NIBAN2: variants seen among roughly 807,000 people sequenced by gnomAD.
NIBAN2 encodes the protein protein Niban 2.
NIBAN2 carries 36 observed loss-of-function variants against 81.8 expected under a neutral mutation model. That is an observed-to-expected ratio of 0.44 (90% CI 0.34 to 0.58). The LOEUF is 0.58. NIBAN2 is among the 20% of genes least tolerant of loss of function. NIBAN2 has a pLI of 0.02. For missense variants in NIBAN2, 897 were observed against 1,014.1 expected (o/e 0.88, Z 1.57); for synonymous variants, 445 against 441.6 (o/e 1.01, Z -0.10).
rs764984954 is a variant in NIBAN2 at position 127,545,095 on chromosome 9, C to T, written c.56-13317G>A. On this transcript the variant is annotated intron_variant, in intron 1 of 13. Transcript: ENST00000373312. The surrounding 1 kb of genome is among the most constrained non-coding windows in gnomAD (Gnocchi z 4.7). ...GAACCCAAGCGAACCGCAACCTCAG[C>T]CCCTCAGCTTCCTCCTCAGCGGAGG... Among the ~76,000 whole-genome samples the T allele has an allele frequency of 2.0e-5, 3 of 152,196 alleles. No individual in the cohort carries two copies. The highest frequency in any genetic ancestry group is 2.9e-5 in the Non-Finnish European group (2 of 68,032).
At chr9:127,573,400 T>TA (rs890280872), upstream of NIBAN2, among the ~76,000 whole-genome samples, 20 of 147,906 alleles carry the variant, frequency 1.4e-4, no homozygotes, top group African/African-American at 4.2e-4. Context: ...ATTATTGTAA[T>TA]AAAAAAAAGT....
rs1836580211 is a variant in NIBAN2 at position 127,505,707 on chromosome 9, G to A, written c.*1138C>T. On this transcript the variant is annotated 3_prime_UTR_variant, in exon 14 of 14. Coordinates refer to ENST00000373312, the MANE Select transcript of NIBAN2 (RefSeq NM_022833.4). ...TCCTGGGGTGGGGGATCCCAGGCCT[G>A]GGCCCATCCTGGCTTGACCCTTGTC... The A allele has an allele frequency of 6.6e-6, 1 of 152,438 alleles. No homozygotes were observed. The highest frequency in any genetic ancestry group is 2.4e-5 in the African/African-American group (1 of 41,464). The allele number at this position is 152,438 out of a possible 1,614,324, so 9.4% of individuals were successfully genotyped here. A position where few individuals can be genotyped will look rare whatever the true frequency, so the allele number is the denominator to read the frequency against.
Position 127,568,948 on chromosome 9 carries a change from G to A in NIBAN2, c.-74C>T. The A allele has an allele frequency of 8.5e-7, 1 of 1,181,550 alleles. No individual in the cohort carries two copies. Among genetic ancestry groups the A allele is most frequent in the Non-Finnish European group, 1.0e-6 (1 of 957,128 alleles). 73.2% of individuals were successfully genotyped at this position (1,181,550 alleles called of 1,614,324 possible). On this transcript the variant is annotated 5_prime_UTR_variant, in exon 1 of 14. Transcript: ENST00000373312. ...CGCGCTGCTCAGGCGGACGCCGCTG[G>A]CGCCATGGAGCCCGGCCCGCCCTGC...
intron 1 of NIBAN2, among the ~76,000 whole-genome samples, chr9:127,540,070 C>G (rs1165647431): frequency 6.6e-6 from 1 of 152,244 alleles, no homozygotes; most frequent in African/African-American, 2.4e-5. Context: ...CAAGGTTCCT[C>G]TAACCCACAG....
intron 5 of NIBAN2, among the ~76,000 whole-genome samples, chr9:127,522,095 G>A (rs1329335651): frequency 2.0e-5 from 3 of 152,230 alleles, no homozygotes; most frequent in Non-Finnish European, 2.9e-5. Flanking sequence ...GAGGGCCCTG[G>A]GCCAGGCAGC....
chr9:127,510,468 G>A (rs1034515944), intron 8 of NIBAN2, 135 bp from the exon 9 acceptor site: 5 of 533,660 alleles, frequency 9.4e-6, no homozygotes, highest in South Asian at 5.8e-5. Context: ...ACGGAGTCTC[G>A]CTCTGTCGCC....
In NIBAN2 at chr9:127,517,767, T is replaced by C; in HGVS notation, c.705+59A>G. On this transcript the variant is annotated intron_variant, in intron 6 of 13. Transcript: ENST00000373312. The surrounding 1 kb of genome is among the most constrained non-coding windows in gnomAD (Gnocchi z 4.0). ...CATCTCTGTACCCCACCCCCTGCCC[T>C]CCCCTGCTGGGTCCTTGGGTGACTT... The C allele has an allele frequency of 9.6e-7, 1 of 1,038,492 alleles. No homozygotes were observed. Among genetic ancestry groups the C allele is most frequent in the Non-Finnish European group, 1.4e-6 (1 of 693,598 alleles). 64.3% of individuals were successfully genotyped at this position (1,038,492 alleles called of 1,614,324 possible).
At position 127,544,909 on chromosome 9, in the gene NIBAN2, G is replaced by C. The variant is rs185204771; in HGVS notation, c.56-13131C>G. ...CTAAGAGGCCACTGGACCTGGGAAG[G>C]GACCTCCAAGATCAAGTCCAAACTA... On this transcript the variant is annotated intron_variant, in intron 1 of 13. Transcript: ENST00000373312. 9.5e-3 allele frequency among the ~76,000 whole-genome samples: 1,454 copies of C among 152,304 alleles called. 17 individuals carry two copies. Among genetic ancestry groups the C allele is most frequent in the Non-Finnish European group, 0.012 (850 of 68,020 alleles).
chr9:127,531,948 C>G (rs1025117025), intron 1 of NIBAN2, among the ~76,000 whole-genome samples, 170 bp from the exon 2 acceptor site: 8 of 152,270 alleles, frequency 5.3e-5, no homozygotes, highest in Non-Finnish European at 1.0e-4. Context: ...CCCCGCGTTT[C>G]CTGTGAAAAC....
At chr9:127,550,909 C>T (rs1023027346) in intron 1 of NIBAN2, among the ~76,000 whole-genome samples, 1 of 152,202 alleles carries the variant, frequency 6.6e-6, no homozygotes, top group Non-Finnish European at 1.5e-5. Context: ...CTGCAAAGAG[C>T]CGGGAAACCA....
chr9:127,546,632 C>T (rs1837476377), intron 1 of NIBAN2, among the ~76,000 whole-genome samples: 1 of 152,180 alleles, frequency 6.6e-6, no homozygotes, highest in African/African-American at 2.4e-5. Context: ...AGCCCAGATC[C>T]CATGTCCTCC....
rs1054963926 is a variant in NIBAN2 at position 127,507,119 on chromosome 9, A to T, written c.1967T>A (p.Leu656Gln). 1.9e-6 allele frequency: 3 copies of T among 1,591,550 alleles called. No individual in the cohort carries two copies. Among genetic ancestry groups the T allele is most frequent in the African/African-American group, 2.7e-5 (2 of 74,686 alleles). Reference protein sequence around the residue: ...SPDGVTEIRGLLAQGLRPESP... With the variant: ...SPDGVTEIRGQLAQGLRPESP... ...CTCAGGCCGCAGACCTTGGGCCAGCAGGCCTCGGATCTCAGTGACACCGTC... is the reference window on the plus strand; with the variant it reads ...CTCAGGCCGCAGACCTTGGGCCAGCTGGCCTCGGATCTCAGTGACACCGTC... The change falls in exon 14 of 14, where the codon CTG becomes CAG. Residue 656 changes from leucine (L) to glutamine (Q), a missense_variant. Physicochemically the swap from Leu to Gln is moderately radical, Grantham distance 113 (BLOSUM62 -2). Around this residue, in one of 3 missense-constraint regions of NIBAN2, gnomAD observed 619 missense variants for 691.0 expected, o/e 0.90. Coordinates refer to ENST00000373312, the MANE Select transcript of NIBAN2 (RefSeq NM_022833.4). The surrounding 1 kb of genome is among the most constrained non-coding windows in gnomAD (Gnocchi z 6.8).
intron 9 of NIBAN2, among the ~76,000 whole-genome samples, chr9:127,509,388 C>T (rs1446825840): frequency 1.3e-5 from 2 of 152,114 alleles, no homozygotes; most frequent in Non-Finnish European, 2.9e-5. Context: ...GCAGAAGGCA[C>T]TCATCCCTTC....
chr9:127,534,602 A>G (rs2247397), intron 1 of NIBAN2, among the ~76,000 whole-genome samples: 120,240 of 152,024 alleles, frequency 0.79, 47,989 homozygotes, highest in Middle Eastern at 0.86. Flanking sequence ...GCCCTGCCTC[A>G]GTGATGGGGG....
rs899713352 is a variant in NIBAN2, at chr9:127,506,144, A to G, written c.*701T>C. ...TAACCCTCACTCAGCCATCTCACTC[A>G]CTCACTCCCAGCATCCCCCAGGATG... On this transcript the variant is annotated 3_prime_UTR_variant, in exon 14 of 14. Transcript: ENST00000373312. 4 of 151,780 alleles carry G rather than the reference A, an allele frequency of 2.6e-5. No individual in the cohort carries two copies. Among genetic ancestry groups the G allele is most frequent in the Non-Finnish European group, 5.9e-5 (4 of 68,222 alleles). 9.4% of individuals were successfully genotyped at this position (151,780 alleles called of 1,614,324 possible).
In NIBAN2 at chr9:127,507,064, G is replaced by A. The variant is rs754607731; in HGVS notation, c.2022C>T (p.Asn674=). The A allele has an allele frequency of 1.8e-5, 29 of 1,576,486 alleles. No individual in the cohort carries two copies. The highest frequency in any genetic ancestry group is 4.5e-5 in the South Asian group (4 of 88,080). Reference sequence around the variant, plus strand: ...GGGGACTCTCCCCAGCGGGGGCCCCGTTGAGCAGGGGGCCGGCTGGTGGGG... The same window carrying A: ...GGGGACTCTCCCCAGCGGGGGCCCCATTGAGCAGGGGGCCGGCTGGTGGGG... ...ESPPPAGPLL[N]GAPAGESPQP... Residue 674 remains asparagine (N), a synonymous_variant, in exon 14 of 14, where the codon AAC becomes AAT. Coordinates refer to ENST00000373312, the MANE Select transcript of NIBAN2 (RefSeq NM_022833.4). The surrounding 1 kb of genome is among the most constrained non-coding windows in gnomAD (Gnocchi z 6.8).
chr9:127,564,290 A>AT (rs1837821302), intron 1 of NIBAN2, among the ~76,000 whole-genome samples: 2 of 149,200 alleles, frequency 1.3e-5, no homozygotes, highest in African/African-American at 2.5e-5. Flanking sequence ...GAGACTCTGT[A>AT]TCAAAAAAAA....
chr9:127,523,200 T>A (rs1374435707), intron 5 of NIBAN2, among the ~76,000 whole-genome samples: 2,024 of 4,580 alleles, frequency 0.44, 646 homozygotes, highest in African/African-American at 0.54. Flanking sequence ...AAAATATATA[T>A]ATATATATAT....
At position 127,517,324 on chromosome 9, in the gene NIBAN2, G is replaced by T; in HGVS notation, c.706-108C>A. ...CCGCTGCAGCCCCCACCTCCTCCGC[G>T]ACTGGCCCATTGCTTCACCCTCCCT... is the stretch of plus-strand genomic sequence containing the variant. On this transcript the variant is annotated intron_variant, in intron 6 of 13. Coordinates refer to ENST00000373312, the MANE Select transcript of NIBAN2 (RefSeq NM_022833.4). The surrounding 1 kb of genome is among the most constrained non-coding windows in gnomAD (Gnocchi z 4.0). 1 of 867,542 alleles carries T rather than the reference G, an allele frequency of 1.2e-6. No individual in the cohort carries two copies. The highest frequency in any genetic ancestry group is 1.6e-5 in the South Asian group (1 of 61,444). The allele number at this position is 867,542 out of a possible 1,614,324, so 53.7% of individuals were successfully genotyped here.
Sources: allele counts gnomAD v4.1 joint callset (sites outside exome capture counted in the v4.1 genomes callset), GRCh38; gene constraint gnomAD v4.1.1; regional missense constraint gnomAD v4.1.1; non-coding constraint Gnocchi (gnomAD v3.1); transcripts MANE v1.5; gene names NCBI Gene and HGNC (gene_info 2026-07-23, HGNC 2026-07-21).